The following KCNQ1OT1 variants were observed in gnomAD, a reference collection of about 807,000 sequenced individuals.
The protein encoded by KCNQ1OT1 is KCNQ1 opposite strand/antisense transcript 1.
chr11:2,667,721 C>T (rs776739666), exon 1 of KCNQ1OT1: 66 of 398,608 alleles, frequency 1.7e-4, no homozygotes, highest in Non-Finnish European at 2.6e-4. Flanking sequence ...GAAGCCGTGT[C>T]CCCTTAAGTG....
chr11:2,631,930 C>T (rs1849359927), exon 1 of KCNQ1OT1: 1 of 397,326 alleles, frequency 2.5e-6, no homozygotes, highest in East Asian at 3.6e-5. Flanking sequence ...CGCCTGTAAT[C>T]CCAGCACTTT....
At chr11:2,649,494 T>C (rs1294215833) in exon 1 of KCNQ1OT1, 1 of 398,456 alleles carries the variant, frequency 2.5e-6, no homozygotes, top group Non-Finnish European at 4.4e-6. Flanking sequence ...CCCTCAGTTT[T>C]TGCTTGTCTG....
chr11:2,624,741 AC>A lies in KCNQ1OT1; in HGVS notation n.75253del, dbSNP rs548814967. On this transcript the variant is annotated non_coding_transcript_exon_variant, in exon 1 of 1. Transcript: ENST00000597346. The surrounding 1 kb of genome is among the most constrained non-coding windows in gnomAD (Gnocchi z 4.9). ...ATATCCATTAAACAATAATTCCCCA[AC>A]CCCCCCACCACCGCCATCTCTTGGA... The A allele has an allele frequency of 2.5e-6, 1 of 397,696 alleles. No individual in the cohort carries two copies. The highest frequency in any genetic ancestry group is 4.4e-6 in the Non-Finnish European group (1 of 225,872). The allele number at this position is 397,696 out of a possible 1,614,324, so 24.6% of individuals were successfully genotyped here.
At chr11:2,689,283 C>G in exon 1 of KCNQ1OT1, 1 of 398,726 alleles carries the variant, frequency 2.5e-6, no homozygotes, top group Non-Finnish European at 4.4e-6. Flanking sequence ...GCACAGATAT[C>G]TCCCACTCCA....
rs1056413883 is a variant in KCNQ1OT1 at position 2,678,423 on chromosome 11, G to C, written n.21572C>G. Reference sequence around the variant, plus strand: ...TCCAGTTGTCCAACACTATTTATTTGAGTACATCATCATCTCTCTACTAAT... The same window carrying C: ...TCCAGTTGTCCAACACTATTTATTTCAGTACATCATCATCTCTCTACTAAT... On this transcript the variant is annotated non_coding_transcript_exon_variant, in exon 1 of 1. Coordinates refer to ENST00000597346, the Ensembl canonical transcript of KCNQ1OT1. The surrounding 1 kb of genome is among the most constrained non-coding windows in gnomAD (Gnocchi z 4.9). 2.5e-6 allele frequency: 1 copy of C among 398,482 alleles called. No homozygotes were observed. The highest frequency in any genetic ancestry group is 4.4e-6 in the Non-Finnish European group (1 of 226,032). The allele number at this position is 398,482 out of a possible 1,614,324, so 24.7% of individuals were successfully genotyped here. A position where few individuals can be genotyped will look rare whatever the true frequency, so the allele number is the denominator to read the frequency against.
Position 2,618,256 on chromosome 11 carries a change from A to G in KCNQ1OT1, n.81739T>C, listed in dbSNP as rs1849102029. On this transcript the variant is annotated non_coding_transcript_exon_variant, in exon 1 of 1. Coordinates refer to ENST00000597346, the Ensembl canonical transcript of KCNQ1OT1. The stretch of plus-strand genomic sequence containing the variant: ...TTCCCGGGGCCACACTGTAAGAACA[A>G]TTGTCTTAGGCCACACATAAAATAC... The G allele has an allele frequency of 7.0e-5, 28 of 398,448 alleles. 1 individual carries two copies. In the East Asian group the frequency reaches 1.0e-3, roughly 14 times the overall value. The allele number at this position is 398,448 out of a possible 1,614,324, so 24.7% of individuals were successfully genotyped here. A position where few individuals can be genotyped will look rare whatever the true frequency, so the allele number is the denominator to read the frequency against.
At position 2,687,240 on chromosome 11, in the gene KCNQ1OT1, C is replaced by T. The variant is rs531713545; in HGVS notation, n.12755G>A. The stretch of plus-strand genomic sequence containing the variant: ...AAATGTGCAATTTTCACTCAGCCAG[C>T]ATCACTACCAGCTCCGGGCTTCTCT... On this transcript the variant is annotated non_coding_transcript_exon_variant, in exon 1 of 1. Coordinates refer to ENST00000597346, the Ensembl canonical transcript of KCNQ1OT1. This position sits in a 1 kb window ranked among gnomAD's most constrained non-coding sequence, Gnocchi z 5.0. 5 of 398,680 alleles carry T rather than the reference C, an allele frequency of 1.3e-5. No individual in the cohort carries two copies. Among genetic ancestry groups the T allele is most frequent in the African/African-American group, 6.2e-5 (3 of 48,762 alleles). 24.7% of individuals were successfully genotyped at this position (398,680 alleles called of 1,614,324 possible).
At chr11:2,692,103 A>G in exon 1 of KCNQ1OT1, 1 of 398,550 alleles carries the variant, frequency 2.5e-6, no homozygotes, top group South Asian at 1.3e-4. Context: ...TCCTCTCCAC[A>G]GCCTCCATCA....
exon 1 of KCNQ1OT1, chr11:2,632,575 A>T (rs185230263): frequency 1.5e-5 from 6 of 398,344 alleles, no homozygotes; most frequent in African/African-American, 1.2e-4. Context: ...GGATATACAC[A>T]GTGATATTGT....
chr11:2,618,135 T>A, exon 1 of KCNQ1OT1: 3 of 398,530 alleles, frequency 7.5e-6, no homozygotes, highest in Non-Finnish European at 1.3e-5. Context: ...CTATGTTTTC[T>A]TCTGGTTGTG....
chr11:2,697,956 C>T (rs1391175394), exon 1 of KCNQ1OT1: 2 of 398,464 alleles, frequency 5.0e-6, no homozygotes, highest in African/African-American at 4.1e-5. Flanking sequence ...TAAAATACAC[C>T]CATAATCAAG....
exon 1 of KCNQ1OT1, chr11:2,635,659 A>G (rs1208012440): frequency 6.6e-6 from 1 of 152,198 alleles, no homozygotes; most frequent in Non-Finnish European, 1.5e-5. Flanking sequence ...TGTCTTGGCA[A>G]TGCGGGCTCT....
chr11:2,628,391 T>G (rs573782741), exon 1 of KCNQ1OT1: 2 of 398,582 alleles, frequency 5.0e-6, no homozygotes, highest in East Asian at 3.6e-5. Context: ...TGATAAGTGA[T>G]GTTAAGCACC....
In KCNQ1OT1 at chr11:2,651,333, A is replaced by C; in HGVS notation, n.48662T>G. On this transcript the variant is annotated non_coding_transcript_exon_variant, in exon 1 of 1. Coordinates refer to ENST00000597346, the Ensembl canonical transcript of KCNQ1OT1. The surrounding 1 kb of genome is among the most constrained non-coding windows in gnomAD (Gnocchi z 6.1). ...CACAGAACACTCCTCAGAGTTCTAC[A>C]AGCGGCTGAGAGAGCTGGGGTATTT... 1 of 398,744 alleles carries C rather than the reference A, an allele frequency of 2.5e-6. No individual in the cohort carries two copies. The highest frequency in any genetic ancestry group is 4.4e-6 in the Non-Finnish European group (1 of 226,144). The allele number at this position is 398,744 out of a possible 1,614,324, so 24.7% of individuals were successfully genotyped here. A position where few individuals can be genotyped will look rare whatever the true frequency, so the allele number is the denominator to read the frequency against.
At position 2,689,522 on chromosome 11, in the gene KCNQ1OT1, G is replaced by A. The variant is rs148361917; in HGVS notation, n.10473C>T. On this transcript the variant is annotated non_coding_transcript_exon_variant, in exon 1 of 1. Transcript: ENST00000597346. ...TGGGTCACCTTGTTTTATGGTCCCT[G>A]TCCCAGCATGAAGCTTGCACAGGAA... is the stretch of plus-strand genomic sequence containing the variant. 382 of 398,672 alleles carry A rather than the reference G, an allele frequency of 9.6e-4. 2 individuals carry two copies. The highest frequency in any genetic ancestry group is 7.0e-3 in the African/African-American group (340 of 48,746). 24.7% of individuals were successfully genotyped at this position (398,672 alleles called of 1,614,324 possible).
At chr11:2,692,901 A>G (rs1456275499) in exon 1 of KCNQ1OT1, 2 of 398,326 alleles carry the variant, frequency 5.0e-6, no homozygotes, top group African/African-American at 4.1e-5. Context: ...AGCTGGCTAA[A>G]ATCAACTGTA....
At chr11:2,641,408 T>A (rs1849575175) in exon 1 of KCNQ1OT1, 1 of 398,302 alleles carries the variant, frequency 2.5e-6, no homozygotes, top group South Asian at 1.3e-4. Context: ...TTTTTTTAAA[T>A]ATACCTGTTG....
At position 2,642,775 on chromosome 11, in the gene KCNQ1OT1, T is replaced by C. The variant is rs1007384636; in HGVS notation, n.57220A>G. On this transcript the variant is annotated non_coding_transcript_exon_variant, in exon 1 of 1. Coordinates refer to ENST00000597346, the Ensembl canonical transcript of KCNQ1OT1. This position sits in a 1 kb window ranked among gnomAD's most constrained non-coding sequence, Gnocchi z 4.3. ...TCATTAGATTATTTAAGATCTTTTC[T>C]ACCTTTTTTAATGGAGGCATTTATT... is the stretch of plus-strand genomic sequence containing the variant. 2 of 397,890 alleles carry C rather than the reference T, an allele frequency of 5.0e-6. No homozygotes were observed. The highest frequency in any genetic ancestry group is 8.9e-6 in the Non-Finnish European group (2 of 225,674). The allele number at this position is 397,890 out of a possible 1,614,324, so 24.6% of individuals were successfully genotyped here.
exon 1 of KCNQ1OT1, chr11:2,631,064 T>G (rs1384882593): frequency 1.8e-5 from 7 of 398,454 alleles, no homozygotes; most frequent in African/African-American, 1.0e-4. Flanking sequence ...GAAACCTCTT[T>G]TAGATGGAAA....
Sources: gnomAD v4.1 joint callset for allele counts on GRCh38, gnomAD v4.1.1 for gene constraint, Gnocchi (gnomAD v3.1) non-coding constraint, MANE v1.5 for transcripts, NCBI Gene and HGNC (gene_info 2026-07-23, HGNC 2026-07-21) for gene names.